Variants in CLSTN2 observed in about 807,000 individuals in gnomAD.
CLSTN2 encodes calsyntenin 2, also known as calsyntenin-2.
A neutral mutation model predicts 101.2 loss-of-function variants in CLSTN2; 48 were observed. The observed-to-expected ratio is 0.47, with a 90% CI of 0.38 to 0.60. The LOEUF (loss-of-function observed/expected upper bound fraction) is 0.60. CLSTN2 is among the 20% of genes least tolerant of loss of function. The pLI is 0.00. For synonymous variants in CLSTN2, 481 were observed against 463.6 expected (o/e 1.04, Z -0.48); for missense variants, 1,160 against 1,238.2 (o/e 0.94, Z 0.95).
chr3:140,172,859 T>C (rs2010261513), intron 1 of CLSTN2, among the ~76,000 whole-genome samples: 1 of 152,174 alleles, frequency 6.6e-6, no homozygotes, highest in African/African-American at 2.4e-5. Context: ...ACTGCCCCCA[T>C]GATTCAATTA....
chr3:140,217,043 G>A (rs550491686), intron 2 of CLSTN2, among the ~76,000 whole-genome samples: 14 of 152,280 alleles, frequency 9.2e-5, no homozygotes, highest in African/African-American at 3.1e-4. Flanking sequence ...TCACGCTGCT[G>A]AAATGATCAG....
intron 4 of CLSTN2, among the ~76,000 whole-genome samples, chr3:140,415,641 C>T (rs2088424534): frequency 6.6e-6 from 1 of 152,068 alleles, no homozygotes; most frequent in South Asian, 2.1e-4. Context: ...AAATCAAACC[C>T]TCAATGAGCT....
At chr3:140,412,800 G>A (rs980156528) in intron 4 of CLSTN2, among the ~76,000 whole-genome samples, 1 of 152,008 alleles carries the variant, frequency 6.6e-6, no homozygotes, top group South Asian at 2.1e-4. Context: ...ACAACAAATG[G>A]GTCAAAGAAG....
chr3:140,204,834 G>T (rs1401613847), intron 2 of CLSTN2, among the ~76,000 whole-genome samples: 1 of 152,184 alleles, frequency 6.6e-6, no homozygotes, highest in Non-Finnish European at 1.5e-5. Flanking sequence ...TGCAGTGGAG[G>T]TTGTAATTGT....
chr3:140,301,445 A>G (rs1381182974), intron 2 of CLSTN2, among the ~76,000 whole-genome samples: 1 of 152,198 alleles, frequency 6.6e-6, no homozygotes, highest in African/African-American at 2.4e-5. Context: ...TTTAATGTCT[A>G]CCTTCACAGA....
intron 1 of CLSTN2, among the ~76,000 whole-genome samples, chr3:140,031,023 T>A (rs2007536037): frequency 6.6e-6 from 1 of 152,256 alleles, no homozygotes; most frequent in South Asian, 2.1e-4. Context: ...CTTCTTGCTT[T>A]TATTCCTCTT....
At chr3:140,067,053 T>A (rs912766636) in intron 1 of CLSTN2, among the ~76,000 whole-genome samples, 4 of 152,180 alleles carry the variant, frequency 2.6e-5, no homozygotes, top group Non-Finnish European at 4.4e-5. Flanking sequence ...GATCTCATGA[T>A]GGATGATATG....
At chr3:140,080,181 T>A (rs1445512084) in intron 1 of CLSTN2, among the ~76,000 whole-genome samples, 1 of 152,172 alleles carries the variant, frequency 6.6e-6, no homozygotes, top group Non-Finnish European at 1.5e-5. Context: ...GAAACCAACA[T>A]TGAACCTCCT....
intron 1 of CLSTN2, among the ~76,000 whole-genome samples, chr3:140,145,077 T>A (rs2009761413): frequency 6.6e-6 from 1 of 152,260 alleles, no homozygotes; most frequent in South Asian, 2.1e-4. Flanking sequence ...CATACTGTGA[T>A]TTCTTTTAAA....
intron 5 of CLSTN2, among the ~76,000 whole-genome samples, chr3:140,427,219 ATATATGTGTG>A (rs200679228): frequency 0.013 from 1,203 of 90,044 alleles, 113 homozygotes; most frequent in African/African-American, 0.085. Context: ...ATATATATAT[ATATATGTGTG>A]TATATATATA....
chr3:140,515,355 G>C (rs551559985), intron 8 of CLSTN2, among the ~76,000 whole-genome samples: 2 of 151,994 alleles, frequency 1.3e-5, no homozygotes, highest in African/African-American at 4.8e-5. Context: ...TGCTTTGTTT[G>C]TTTCAGTTTC....
At chr3:140,407,937 T>C (rs2088322303) in intron 4 of CLSTN2, among the ~76,000 whole-genome samples, 1 of 152,054 alleles carries the variant, frequency 6.6e-6, no homozygotes, top group Admixed American at 6.6e-5. Context: ...GATGTTTAAG[T>C]TTGCAAACAC....
chr3:140,504,549 C>G (rs762117917), intron 8 of CLSTN2, among the ~76,000 whole-genome samples: 2 of 152,156 alleles, frequency 1.3e-5, no homozygotes, highest in Non-Finnish European at 2.9e-5. Flanking sequence ...CAGTCTTGTT[C>G]TAAGACTGTA....
chr3:140,016,407 A>G (rs965232428), intron 1 of CLSTN2, among the ~76,000 whole-genome samples: 2 of 152,178 alleles, frequency 1.3e-5, no homozygotes, highest in Admixed American at 6.5e-5. Context: ...ATACGAATTG[A>G]CCCTTGAATA....
chr3:140,325,298 CCAGCAGTGGGTTCCCA>C (rs2087321507), intron 2 of CLSTN2, among the ~76,000 whole-genome samples: 1 of 152,152 alleles, frequency 6.6e-6, no homozygotes, highest in African/African-American at 2.4e-5. Context: ...CAGTGACTTC[CCAGCAGTGGGTTCCCA>C]CAGCAGTGGG....
intron 1 of CLSTN2, among the ~76,000 whole-genome samples, chr3:140,107,952 A>G (rs1576429237): frequency 6.6e-6 from 1 of 152,192 alleles, no homozygotes; most frequent in South Asian, 2.1e-4. Flanking sequence ...GCCTCCAGCA[A>G]TAGGCAATTT....
intron 9 of CLSTN2, 60 bp downstream of exon 9, chr3:140,532,546 T>C (rs925000517): frequency 4.9e-6 from 7 of 1,435,318 alleles, no homozygotes; most frequent in Non-Finnish European, 6.5e-6. Context: ...GGAAGATACT[T>C]GTAGAGAAAA....
At chr3:140,289,893 G>A (rs2086932724) in intron 2 of CLSTN2, among the ~76,000 whole-genome samples, 1 of 151,582 alleles carries the variant, frequency 6.6e-6, no homozygotes, top group Admixed American at 6.6e-5. Context: ...TATGTTAAAT[G>A]ATGACAAATT....
chr3:140,010,176 G>C (rs1422545610), intron 1 of CLSTN2, among the ~76,000 whole-genome samples: 1 of 152,276 alleles, frequency 6.6e-6, no homozygotes, highest in East Asian at 1.9e-4. Context: ...ATGAATAAAA[G>C]TAACTGTTTG....
Sources: allele counts gnomAD v4.1 joint callset (sites outside exome capture counted in the v4.1 genomes callset), GRCh38; gene constraint gnomAD v4.1.1; transcripts MANE v1.5; gene names NCBI Gene and HGNC (gene_info 2026-07-23, HGNC 2026-07-21).